The following STK32A variants were observed in gnomAD, a reference collection of about 807,000 sequenced individuals.
STK32A encodes serine/threonine-protein kinase 32A.
In STK32A, 41 loss-of-function variants were observed where a neutral mutation model predicts 53.2. The observed-to-expected ratio is 0.77, with a 90% CI of 0.60 to 1.00. The LOEUF (loss-of-function observed/expected upper bound fraction) is 1.00. Among genes scored for constraint, STK32A ranks in the 50% least tolerant of loss-of-function variants. STK32A has a pLI of 0.00. For missense variants in STK32A, 458 were observed against 485.8 expected, an observed-to-expected ratio of 0.94 and a Z score of 0.54; for synonymous variants, 166 against 162.8, an observed-to-expected ratio of 1.02 and a Z score of -0.15.
At chr5:147,247,878 T>G (rs554293523) in intron 2 of STK32A, among the ~76,000 whole-genome samples, 2 of 152,226 alleles carry the variant, frequency 1.3e-5, no homozygotes, top group South Asian at 4.1e-4. Context: ...TCCCAGCACT[T>G]TGGGAGGCCG....
chr5:147,359,187 G>T (rs953933558), intron 7 of STK32A, among the ~76,000 whole-genome samples: 1 of 152,118 alleles, frequency 6.6e-6, no homozygotes. Context: ...CTTCTGGAAG[G>T]GTTGGTGAAA....
At chr5:147,362,314 G>A (rs1170605449) in intron 8 of STK32A, among the ~76,000 whole-genome samples, 1 of 152,230 alleles carries the variant, frequency 6.6e-6, no homozygotes, top group Non-Finnish European at 1.5e-5. Flanking sequence ...GAGGTTGGAA[G>A]TCTGAGATTA....
intron 4 of STK32A, among the ~76,000 whole-genome samples, chr5:147,294,075 C>A (rs955528225): frequency 6.6e-6 from 1 of 152,084 alleles, no homozygotes; most frequent in Non-Finnish European, 1.5e-5. Context: ...TTCAAGAAAA[C>A]CCTGTGGTTC....
chr5:147,329,726 A>C (rs1173964893), intron 5 of STK32A, among the ~76,000 whole-genome samples: 1 of 152,192 alleles, frequency 6.6e-6, no homozygotes, highest in African/African-American at 2.4e-5. Flanking sequence ...CTGGACCATG[A>C]TATTCTATAT....
chr5:147,395,696 C>G, the STK32A span: 1 of 1,613,908 alleles, frequency 6.2e-7, no homozygotes, highest in Non-Finnish European at 8.5e-7. Context: ...GTACATGCCC[C>G]TTGGGACGGC....
Position 147,386,597 on chromosome 5 carries a change from G to A in STK32A, c.*2614G>A, listed in dbSNP as rs1272166005. On this transcript the variant is annotated 3_prime_UTR_variant, in exon 13 of 13. Coordinates refer to ENST00000397936, the MANE Select transcript of STK32A (RefSeq NM_001112724.2). ...ATGGGAACCCGATACAATCTCTGTA[G>A]GCTGAATCCCTAGTTTTATTTCCAG... 1 of 152,204 alleles carries A rather than the reference G, an allele frequency of 6.6e-6. No individual in the cohort carries two copies. Among genetic ancestry groups the A allele is most frequent in the African/African-American group, 2.4e-5 (1 of 41,450 alleles). 9.4% of individuals were successfully genotyped at this position (152,204 alleles called of 1,614,324 possible). A position where few individuals can be genotyped will look rare whatever the true frequency, so the allele number is the denominator to read the frequency against.
At chr5:147,388,179 T>TCTTTAGCA (rs1379506092), downstream of STK32A, among the ~76,000 whole-genome samples, 1 of 152,182 alleles carries the variant, frequency 6.6e-6, no homozygotes, top group African/African-American at 2.4e-5. Context: ...TGCACCTCTT[T>TCTTTAGCA]CTTTAGCACT....
At chr5:147,362,912 T>C (rs1259615063) in intron 8 of STK32A, among the ~76,000 whole-genome samples, 2 of 151,200 alleles carry the variant, frequency 1.3e-5, no homozygotes, top group African/African-American at 2.4e-5. Context: ...GGAGACCCTG[T>C]GTCTACAACA....
the STK32A span, chr5:147,395,822 C>A: frequency 0.028 from 37,141 of 1,343,490 alleles, 625 homozygotes; most frequent in Non-Finnish European, 0.033. Flanking sequence ...GTGGTGGGAG[C>A]TAGGAATTAA....
intron 5 of STK32A, among the ~76,000 whole-genome samples, chr5:147,329,298 G>T (rs1754748972): frequency 6.6e-6 from 1 of 152,188 alleles, no homozygotes; most frequent in South Asian, 2.1e-4. Flanking sequence ...ATGACCTCTT[G>T]GGCTGGAGTA....
In STK32A at chr5:147,385,613, A is replaced by G. The variant is rs542246005; in HGVS notation, c.*1630A>G. 6.6e-6 allele frequency: 1 copy of G among 152,264 alleles called. No homozygotes were observed. Among genetic ancestry groups the G allele is most frequent in the African/African-American group, 2.4e-5 (1 of 41,546 alleles). 9.4% of individuals were successfully genotyped at this position (152,264 alleles called of 1,614,324 possible). A position where few individuals can be genotyped will look rare whatever the true frequency, so the allele number is the denominator to read the frequency against. On this transcript the variant is annotated 3_prime_UTR_variant, in exon 13 of 13. Coordinates refer to ENST00000397936, the MANE Select transcript of STK32A (RefSeq NM_001112724.2). ...CTGATGTCTCACTCTTTTTCTTTAT[A>G]TTTTATTTATTGATTTGCCACAAAG...
rs1483788038 is a variant in STK32A, at chr5:147,385,554, G to A, written c.*1571G>A. ...TCTCCCTTGTGCTTACTACAAGAAT[G>A]GCAGGCAGAATTCCCTACTTATTTA... is the stretch of plus-strand genomic sequence containing the variant. On this transcript the variant is annotated 3_prime_UTR_variant, in exon 13 of 13. Transcript: ENST00000397936. The A allele has an allele frequency of 6.6e-6, 1 of 152,158 alleles. No individual in the cohort carries two copies. Among genetic ancestry groups the A allele is most frequent in the Non-Finnish European group, 1.5e-5 (1 of 68,032 alleles). 9.4% of individuals were successfully genotyped at this position (152,158 alleles called of 1,614,324 possible). A position where few individuals can be genotyped will look rare whatever the true frequency, so the allele number is the denominator to read the frequency against.
chr5:147,401,493 A>T, the STK32A span: 26 of 1,562,792 alleles, frequency 1.7e-5, no homozygotes, highest in South Asian at 2.4e-5. Flanking sequence ...GCTGGACTCA[A>T]GAGATGTTTT....
At chr5:147,321,731 T>C (rs373293343) in intron 4 of STK32A, among the ~76,000 whole-genome samples, 1 of 152,236 alleles carries the variant, frequency 6.6e-6, no homozygotes, top group African/African-American at 2.4e-5. Context: ...TCCACTTGAC[T>C]GTTACCAGGT....
chr5:147,384,599 G>T lies in STK32A; in HGVS notation c.*616G>T. ...ATCTCAGCTGGCAGGAGCCTGCTGT[G>T]CACACCACTTCCCAGCTCCCTCTTC... On this transcript the variant is annotated 3_prime_UTR_variant, in exon 13 of 13. Coordinates refer to ENST00000397936, the MANE Select transcript of STK32A (RefSeq NM_001112724.2). 1 of 528,358 alleles carries T rather than the reference G, an allele frequency of 1.9e-6. No individual in the cohort carries two copies. Among genetic ancestry groups the T allele is most frequent in the Non-Finnish European group, 3.3e-6 (1 of 305,880 alleles). 32.7% of individuals were successfully genotyped at this position (528,358 alleles called of 1,614,324 possible). A position where few individuals can be genotyped will look rare whatever the true frequency, so the allele number is the denominator to read the frequency against.
intron 4 of STK32A, among the ~76,000 whole-genome samples, chr5:147,285,013 G>A (rs1004064670): frequency 3.9e-5 from 6 of 152,046 alleles, no homozygotes; most frequent in Admixed American, 3.9e-4. Flanking sequence ...TAAGCAAAAA[G>A]ATCAAATCTG....
chr5:147,290,415 C>A (rs1385502066), intron 4 of STK32A, among the ~76,000 whole-genome samples: 1 of 152,092 alleles, frequency 6.6e-6, no homozygotes, highest in Non-Finnish European at 1.5e-5. Flanking sequence ...ACAGGGCTGG[C>A]ATCCAGGAAA....
intron 1 of STK32A, among the ~76,000 whole-genome samples, chr5:147,238,055 A>G (rs1290140403): frequency 6.6e-6 from 1 of 152,254 alleles, no homozygotes; most frequent in Non-Finnish European, 1.5e-5. Flanking sequence ...CATTGTGCCA[A>G]TTACCTTATA....
At chr5:147,376,197 G>A (rs1757224065) in intron 11 of STK32A, among the ~76,000 whole-genome samples, 2 of 152,094 alleles carry the variant, frequency 1.3e-5, no homozygotes, top group South Asian at 2.1e-4. Context: ...TATTTCAATG[G>A]ACAATTAACC....
Sources: allele counts gnomAD v4.1 joint callset (sites outside exome capture counted in the v4.1 genomes callset), GRCh38; gene constraint gnomAD v4.1.1; transcripts MANE v1.5; gene names NCBI Gene and HGNC (gene_info 2026-07-23, HGNC 2026-07-21).